NRXN3: variants seen among roughly 807,000 people sequenced by gnomAD.
NRXN3 encodes the protein neurexin 3.
NRXN3 carries 32 observed loss-of-function variants against 137.6 expected under a neutral mutation model. The ratio of observed to expected loss-of-function variants is 0.23; its 90% CI spans 0.18 to 0.31. The LOEUF is 0.31. Among genes scored for constraint, NRXN3 ranks in the 10% least tolerant of loss-of-function variants. NRXN3 has a pLI of 1.00. For missense variants in NRXN3, 1,574 were observed against 2,062.5 expected (o/e 0.76, Z 4.59); for synonymous variants, 798 against 784.5 (o/e 1.02, Z -0.29).
intron 16 of NRXN3, among the ~76,000 whole-genome samples, chr14:79,630,732 G>C (rs953723467): frequency 1.1e-4 from 16 of 152,116 alleles, no homozygotes; most frequent in African/African-American, 3.1e-4. Context: ...GCCATTTTGC[G>C]TGAAAATAGT....
At chr14:78,523,607 G>A (rs1400220298) in intron 4 of NRXN3, among the ~76,000 whole-genome samples, 1 of 142,888 alleles carries the variant, frequency 7.0e-6, no homozygotes, top group East Asian at 2.0e-4. Context: ...AGACCATCCT[G>A]GCTAACACGG....
In NRXN3 at chr14:78,649,176, C is replaced by T. The variant is rs2097715077; in HGVS notation, c.1060-1989C>T. On this transcript the variant is annotated intron_variant, in intron 5 of 20. Transcript: ENST00000335750. Reference sequence around the variant, plus strand: ...TTACTAACCGACTAATGTACTAACACCCTAACGACTCATCTTTGTTTTTAG... The same window carrying T: ...TTACTAACCGACTAATGTACTAACATCCTAACGACTCATCTTTGTTTTTAG... 14 of 820,774 alleles carry T rather than the reference C, an allele frequency of 1.7e-5. No homozygotes were observed. The South Asian group carries it at 1.8e-4, about 11-fold the overall frequency. The allele number at this position is 820,774 out of a possible 1,614,324, so 50.8% of individuals were successfully genotyped here.
chr14:79,215,907 C>A (rs2068430416), intron 15 of NRXN3, among the ~76,000 whole-genome samples: 1 of 152,280 alleles, frequency 6.6e-6, no homozygotes, highest in Non-Finnish European at 1.5e-5. Flanking sequence ...TGGTGTGATT[C>A]TTCCAGAGAT....
chr14:78,260,480 G>A (rs939369005), intron 2 of NRXN3, among the ~76,000 whole-genome samples: 5 of 152,142 alleles, frequency 3.3e-5, no homozygotes, highest in African/African-American at 1.2e-4. Flanking sequence ...CCTTGATGAT[G>A]CATTTTAATT....
At chr14:79,236,078 A>T (rs2073307272) in intron 15 of NRXN3, among the ~76,000 whole-genome samples, 1 of 152,150 alleles carries the variant, frequency 6.6e-6, no homozygotes, top group Non-Finnish European at 1.5e-5. Context: ...CAGCAAGAGA[A>T]TAATTACACT....
intron 10 of NRXN3, among the ~76,000 whole-genome samples, chr14:78,869,844 A>G (rs1226951736): frequency 2.0e-5 from 3 of 152,050 alleles, no homozygotes; most frequent in South Asian, 2.1e-4. Flanking sequence ...TGATAAATAT[A>G]TGGGCCACTG....
intron 15 of NRXN3, among the ~76,000 whole-genome samples, chr14:79,243,673 A>T (rs1295358332): frequency 6.6e-6 from 1 of 152,158 alleles, no homozygotes; most frequent in African/African-American, 2.4e-5. Context: ...CCTAGGCTAT[A>T]AACTCATACA....
intron 10 of NRXN3, among the ~76,000 whole-genome samples, chr14:78,841,776 G>GT: frequency 6.6e-6 from 1 of 152,000 alleles, no homozygotes; most frequent in Non-Finnish European, 1.5e-5. Context: ...AATTCTAGTT[G>GT]TTTTTCAGCT....
chr14:79,240,781 T>C (rs1339537876), intron 15 of NRXN3, among the ~76,000 whole-genome samples: 1 of 151,948 alleles, frequency 6.6e-6, no homozygotes, highest in Non-Finnish European at 1.5e-5. Flanking sequence ...TATGGACAGG[T>C]GTTGGAATTA....
chr14:79,785,169 G>T (rs766958), intron 19 of NRXN3, among the ~76,000 whole-genome samples: 2,305 of 152,204 alleles, frequency 0.015, 68 homozygotes, highest in African/African-American at 0.053. Context: ...CTAAATACCT[G>T]GGACATACAT....
chr14:78,621,716 A>G (rs1194597717), intron 4 of NRXN3, among the ~76,000 whole-genome samples: 2 of 152,184 alleles, frequency 1.3e-5, no homozygotes, highest in Non-Finnish European at 2.9e-5. Context: ...TGAATAATTA[A>G]CTTTCACCTA....
At chr14:78,457,543 G>C (rs1439681495) in intron 4 of NRXN3, among the ~76,000 whole-genome samples, 3 of 152,128 alleles carry the variant, frequency 2.0e-5, no homozygotes, top group Non-Finnish European at 4.4e-5. Context: ...TTACAAAACA[G>C]GTCAAAATGG....
chr14:79,708,770 G>A (rs1450138356), intron 19 of NRXN3, among the ~76,000 whole-genome samples: 2 of 152,108 alleles, frequency 1.3e-5, no homozygotes, highest in African/African-American at 4.8e-5. Context: ...TGTTCTGTTA[G>A]CTAAATGGTG....
At chr14:79,355,905 G>A (rs893692835) in intron 15 of NRXN3, among the ~76,000 whole-genome samples, 6 of 152,056 alleles carry the variant, frequency 3.9e-5, no homozygotes, top group South Asian at 2.1e-4. Context: ...AGAGGTCAAA[G>A]ATTGTAGTGT....
At chr14:78,311,576 C>T (rs553452519) in intron 4 of NRXN3, among the ~76,000 whole-genome samples, 1 of 152,124 alleles carries the variant, frequency 6.6e-6, no homozygotes, top group Non-Finnish European at 1.5e-5. Context: ...AAATCATTAG[C>T]CTTAGTGTAT....
intron 10 of NRXN3, among the ~76,000 whole-genome samples, chr14:78,903,750 G>T (rs1486897865): frequency 6.6e-6 from 1 of 152,002 alleles, no homozygotes. Flanking sequence ...GGTGACATGT[G>T]ACTAATAGGT....
intron 1 of NRXN3, among the ~76,000 whole-genome samples, chr14:78,206,790 G>A (rs575949706): frequency 6.6e-6 from 1 of 152,268 alleles, no homozygotes; most frequent in East Asian, 1.9e-4. Flanking sequence ...TGGGTGGTGA[G>A]CAACTTGTCC....
chr14:78,545,408 A>C (rs962812873), intron 4 of NRXN3, among the ~76,000 whole-genome samples: 2 of 152,058 alleles, frequency 1.3e-5, no homozygotes, highest in African/African-American at 4.8e-5. Context: ...TTTTTGTTTG[A>C]TGTCTCCCCT....
intron 1 of NRXN3, among the ~76,000 whole-genome samples, chr14:78,232,013 C>T (rs2065481965): frequency 6.6e-6 from 1 of 152,242 alleles, no homozygotes; most frequent in African/African-American, 2.4e-5. Flanking sequence ...CAGCCTTCAC[C>T]CCCATTGTAA....
Sources: allele counts gnomAD v4.1 joint callset (sites outside exome capture counted in the v4.1 genomes callset), GRCh38; gene constraint gnomAD v4.1.1; transcripts MANE v1.5; gene names NCBI Gene and HGNC (gene_info 2026-07-23, HGNC 2026-07-21).